BCL2L13: variants seen among roughly 807,000 people sequenced by gnomAD.
BCL2L13 encodes BCL2 like 13, also known as bcl-2-like protein 13.
A neutral mutation model predicts 25.8 loss-of-function variants in BCL2L13; 13 were observed. The ratio of observed to expected loss-of-function variants is 0.50; its 90% confidence interval spans 0.33 to 0.80. The LOEUF (loss-of-function observed/expected upper bound fraction) is 0.80, where lower values mean the gene tolerates loss of function less well. Among genes scored for constraint, BCL2L13 ranks in the 30% least tolerant of loss-of-function variants. The pLI, the probability that BCL2L13 is intolerant of heterozygous loss-of-function variation, is 0.02. For missense variants in BCL2L13, 504 were observed against 574.9 expected, an observed-to-expected ratio of 0.88 and a Z score of 1.26; for synonymous variants, 244 against 230.3, an observed-to-expected ratio of 1.06 and a Z score of -0.54.
At chr22:17,687,139 A>G (rs2059965605) in intron 3 of BCL2L13, among the ~76,000 whole-genome samples, 1 of 152,158 alleles carries the variant, frequency 6.6e-6, no homozygotes, top group African/African-American at 2.4e-5. Context: ...TAATGCAATA[A>G]ATACTTAATG....
intron 6 of BCL2L13, among the ~76,000 whole-genome samples, chr22:17,715,841 C>T (rs944572656): frequency 6.6e-6 from 1 of 152,036 alleles, no homozygotes; most frequent in Non-Finnish European, 1.5e-5. Context: ...CCTTGGACAA[C>T]AAAGACACAG....
chr22:17,676,873 A>G (rs938791274), intron 2 of BCL2L13, among the ~76,000 whole-genome samples: 2 of 152,242 alleles, frequency 1.3e-5, no homozygotes, highest in African/African-American at 4.8e-5. Context: ...AAATTGGCAT[A>G]GGATCTTTCT....
At position 17,649,525 on chromosome 22, in the gene BCL2L13, C is replaced by T. The variant is rs1019338961; in HGVS notation, c.-50-6137C>T. ...GCTAAAGAGACTTTTTTTTTTGAGA[C>T]GAAGTCTTGCTCTGTCGCCCAGGCT... On this transcript the variant is annotated intron_variant, in intron 1 of 6. Transcript: ENST00000317582. 7.3e-5 allele frequency among the ~76,000 whole-genome samples: 11 copies of T among 151,422 alleles called. No homozygotes were observed. In the East Asian group the frequency reaches 1.4e-3, roughly 19 times the overall value.
intron 3 of BCL2L13, among the ~76,000 whole-genome samples, chr22:17,687,226 A>T (rs2059968569): frequency 6.6e-6 from 1 of 151,994 alleles, no homozygotes; most frequent in Non-Finnish European, 1.5e-5. Flanking sequence ...TCGCATTTGT[A>T]CTCTGGAACA....
rs186363818 is a variant in BCL2L13 at position 17,630,882 on chromosome 22, C to G, written c.-650+1877C>G. On this transcript the variant is annotated intron_variant, in intron 1 of 6. Transcript: ENST00000399782. ...CTGGGATTACAGACGTGAGCCACCG[C>G]GCCCAGCCATAACCTTTTTTTAATA... Among the ~76,000 whole-genome samples the G allele has an allele frequency of 4.3e-3, 655 of 152,140 alleles. 3 individuals are homozygous for G. Among genetic ancestry groups the G allele is most frequent in the African/African-American group, 0.015 (636 of 41,516 alleles).
At chr22:17,662,221 G>A (rs963387094) in intron 2 of BCL2L13, among the ~76,000 whole-genome samples, 3 of 152,190 alleles carry the variant, frequency 2.0e-5, no homozygotes, top group African/African-American at 7.2e-5. Flanking sequence ...GCTCACGCCT[G>A]TAATCCCAGC....
At chr22:17,680,215 C>CTCAAAAAAAAA (rs2059697015) in intron 2 of BCL2L13, among the ~76,000 whole-genome samples, 1 of 67,058 alleles carries the variant, frequency 1.5e-5, no homozygotes. Flanking sequence ...AACTCTCTCT[C>CTCAAAAAAAAA]AAAAAAAAAA....
intron 4 of BCL2L13, among the ~76,000 whole-genome samples, chr22:17,691,780 CAG>C (rs1454020135): frequency 1.3e-5 from 2 of 152,140 alleles, no homozygotes; most frequent in Non-Finnish European, 2.9e-5. Flanking sequence ...CTTCAAAAAA[CAG>C]TGTTATGTAA....
intron 1 of BCL2L13, among the ~76,000 whole-genome samples, chr22:17,647,896 A>G (rs1370476229): frequency 3.3e-5 from 5 of 152,180 alleles, no homozygotes; most frequent in Admixed American, 6.6e-5. Flanking sequence ...TGGGAGGCCA[A>G]GGTGGGCGGA....
At chr22:17,673,119 T>C (rs779922879) in intron 2 of BCL2L13, among the ~76,000 whole-genome samples, 14 of 152,296 alleles carry the variant, frequency 9.2e-5, no homozygotes, top group Non-Finnish European at 1.8e-4. Context: ...CTTTATGTAA[T>C]GAGGATAGAC....
At chr22:17,694,273 G>A (rs2060199657) in intron 4 of BCL2L13, among the ~76,000 whole-genome samples, 1 of 151,422 alleles carries the variant, frequency 6.6e-6, no homozygotes, top group Admixed American at 6.6e-5. Context: ...CTCAACAAAT[G>A]AGTGAGTGTT....
At chr22:17,637,760 T>C (rs902132440), upstream of BCL2L13, among the ~76,000 whole-genome samples, 1 of 152,120 alleles carries the variant, frequency 6.6e-6, no homozygotes. Flanking sequence ...CTTTCCTCAG[T>C]CACTCGGGCT....
At chr22:17,701,406 A>AT (rs1363698183) in intron 5 of BCL2L13, among the ~76,000 whole-genome samples, 1 of 152,052 alleles carries the variant, frequency 6.6e-6, no homozygotes, top group African/African-American at 2.4e-5. Flanking sequence ...TTTCTTGCGT[A>AT]TTTTTCTGGA....
chr22:17,647,086 G>A (rs1275674886), intron 1 of BCL2L13, among the ~76,000 whole-genome samples: 1 of 148,986 alleles, frequency 6.7e-6, no homozygotes, highest in East Asian at 2.0e-4. Context: ...CCATTCTCCT[G>A]TCTCAGCCTC....
Position 17,661,631 on chromosome 22 carries a change from T to C in BCL2L13, c.121+5799T>C, listed in dbSNP as rs1042391622. Among the ~76,000 whole-genome samples the C allele has an allele frequency of 2.7e-5, 4 of 145,868 alleles. 1 individual carries two copies. Among genetic ancestry groups the C allele is most frequent in the Non-Finnish European group, 6.2e-5 (4 of 64,182 alleles). Reference sequence around the variant, plus strand: ...TTAGTACAAGTAAAAATGTACTGTGTACACGTAAATAAATAGAAATCCATC... The same window carrying C: ...TTAGTACAAGTAAAAATGTACTGTGCACACGTAAATAAATAGAAATCCATC... On this transcript the variant is annotated intron_variant, in intron 2 of 6. Transcript: ENST00000317582.
At chr22:17,665,074 T>C (rs1030792263) in intron 2 of BCL2L13, among the ~76,000 whole-genome samples, 1 of 152,216 alleles carries the variant, frequency 6.6e-6, no homozygotes, top group Non-Finnish European at 1.5e-5. Flanking sequence ...GGAGTTTTCT[T>C]TTCTACTGCA....
chr22:17,703,326 T>G (rs1251029264), intron 6 of BCL2L13: 1 of 152,228 alleles, frequency 6.6e-6, no homozygotes, highest in Non-Finnish European at 1.5e-5. Context: ...AATCTTTCAG[T>G]CATTTCCAAT....
At chr22:17,636,484 C>CCTT (rs2058108902), upstream of BCL2L13, among the ~76,000 whole-genome samples, 1 of 151,904 alleles carries the variant, frequency 6.6e-6, no homozygotes, top group Non-Finnish European at 1.5e-5. Flanking sequence ...AGAAGCGACA[C>CCTT]CTTGTCTCTA....
chr22:17,644,273 C>T (rs2058394323), intron 1 of BCL2L13, among the ~76,000 whole-genome samples: 1 of 150,044 alleles, frequency 6.7e-6, no homozygotes, highest in South Asian at 2.1e-4. Flanking sequence ...TTTTATTTTT[C>T]TCTTTATAAA....
Sources: allele counts gnomAD v4.1 joint callset (sites outside exome capture counted in the v4.1 genomes callset), GRCh38; gene constraint gnomAD v4.1.1; transcripts MANE v1.5; gene names NCBI Gene and HGNC (gene_info 2026-07-23, HGNC 2026-07-21).